Variants in CASK observed in about 807,000 individuals in gnomAD.
The protein encoded by CASK is peripheral plasma membrane protein CASK.
Under a neutral mutation model 82.9 loss-of-function variants are expected in CASK, and 4 were observed. That is an observed-to-expected ratio of 0.05 (90% CI 0.02 to 0.11). The LOEUF (loss-of-function observed/expected upper bound fraction) is 0.11. Among genes scored for constraint, CASK ranks in the 10% least tolerant of loss-of-function variants. The pLI is 1.00. For synonymous variants in CASK, 259 were observed against 253.5 expected (o/e 1.02, Z -0.20); for missense variants, 358 against 720.9 (o/e 0.50, Z 5.76).
intron 3 of CASK, among the ~76,000 whole-genome samples, chrX:41,760,089 C>T (rs750409373): frequency 2.4e-4 from 27 of 111,923 alleles, no homozygotes; most frequent in African/African-American, 8.8e-4. Context: ...TTGTTGTTTA[C>T]GTTAACATAC....
intron 22 of CASK, 60 bp downstream of exon 22, chrX:41,542,631 A>G: frequency 1.4e-6 from 1 of 730,627 alleles, no homozygotes. Context: ...AAAATATTAC[A>G]TCTTTTTAGG....
At chrX:41,588,807 A>G (rs1276126046) in intron 13 of CASK, among the ~76,000 whole-genome samples, 3 of 111,485 alleles carry the variant, frequency 2.7e-5, no homozygotes, top group Non-Finnish European at 5.6e-5. Context: ...CTTTAATAAC[A>G]GCAAAGAAAA....
Position 41,751,482 on chromosome X carries a change from A to G in CASK, c.279-5881T>C, listed in dbSNP as rs1337210948. Among the ~76,000 whole-genome samples the G allele has an allele frequency of 2.7e-5, 3 of 110,152 alleles. No individual in the cohort carries two copies. The Admixed American group carries it at 2.9e-4, about 11-fold the overall frequency. ...GAGAACAGAGAAAGGATTACAACTC[A>G]AAGAGGTGAACAAGAGCTGCTTCTG... On this transcript the variant is annotated intron_variant, in intron 3 of 26. Coordinates refer to ENST00000378163, the MANE Select transcript of CASK (RefSeq NM_001367721.1).
At chrX:41,543,607 A>G (rs1368919471) in intron 21 of CASK, among the ~76,000 whole-genome samples, 1 of 112,062 alleles carries the variant, frequency 8.9e-6, no homozygotes, top group Non-Finnish European at 1.9e-5. Flanking sequence ...TGATATTAAA[A>G]AGTTGCTCTT....
At chrX:41,598,830 AT>A (rs1218956074) in intron 12 of CASK, among the ~76,000 whole-genome samples, 1 of 112,073 alleles carries the variant, frequency 8.9e-6, no homozygotes, top group East Asian at 2.8e-4. Context: ...TTGAAATTTT[AT>A]ATTCTACAAA....
intron 3 of CASK, among the ~76,000 whole-genome samples, chrX:41,753,679 A>G (rs907431356): frequency 8.9e-6 from 1 of 112,108 alleles, no homozygotes; most frequent in Non-Finnish European, 1.9e-5. Context: ...TGAGGCCAGG[A>G]GTTCGATATC....
At chrX:41,717,995 T>C (rs1467445333) in intron 5 of CASK, among the ~76,000 whole-genome samples, 1 of 112,109 alleles carries the variant, frequency 8.9e-6, no homozygotes, top group Non-Finnish European at 1.9e-5. Flanking sequence ...CAAGGCAGGA[T>C]GACAAGGTTG....
intron 24 of CASK, among the ~76,000 whole-genome samples, chrX:41,534,392 AACACACACACACACACACACACAC>A (rs56349527): frequency 1.1e-5 from 1 of 91,221 alleles, no homozygotes; most frequent in Non-Finnish European, 2.2e-5. Context: ...TTTTATTTAA[AACACACACACACACACACACACAC>A]ACACACACAC....
rs146148806 is a variant in CASK at position 41,534,602 on chromosome X, C to G, written c.2317+104G>C. On this transcript the variant is annotated intron_variant, in intron 24 of 26. Coordinates refer to ENST00000378163, the MANE Select transcript of CASK (RefSeq NM_001367721.1). The stretch of plus-strand genomic sequence containing the variant: ...TTTTTTTGATTTTACAAATTTCCTA[C>G]AATGAACAGTTATACCTTATGTAAT... The G allele has an allele frequency of 3.0e-3, 1,866 of 631,933 alleles. 44 individuals are homozygous for G. In the East Asian group the frequency reaches 0.062, roughly 21 times the overall value. 52.1% of individuals were successfully genotyped at this position (631,933 alleles called of 1,213,427 possible). A position where few individuals can be genotyped will look rare whatever the true frequency, so the allele number is the denominator to read the frequency against.
intron 2 of CASK, among the ~76,000 whole-genome samples, chrX:41,807,673 G>A (rs2070151342): frequency 9.0e-6 from 1 of 110,697 alleles, no homozygotes; most frequent in Non-Finnish European, 1.9e-5. Context: ...ATGAGCATCT[G>A]GTAAGGTTCG....
intron 2 of CASK, among the ~76,000 whole-genome samples, chrX:41,832,513 A>G (rs752421902): frequency 1.3e-4 from 15 of 112,770 alleles, no homozygotes; most frequent in Non-Finnish European, 2.6e-4. Flanking sequence ...ATTCCTGGGT[A>G]TACACCCAAG....
rs1286764778 is a variant in CASK at position 41,692,727 on chromosome X, T to C, written c.430-21197A>G. The stretch of plus-strand genomic sequence containing the variant: ...AAGTGTGCTGCTGTGGATCAAACAC[T>C]GCATTCCAGGTGAGACCCTACCAGC... On this transcript the variant is annotated intron_variant, in intron 5 of 26. Coordinates refer to ENST00000378163, the MANE Select transcript of CASK (RefSeq NM_001367721.1). Among the ~76,000 whole-genome samples, 20 of 112,211 alleles carry C rather than the reference T, an allele frequency of 1.8e-4. No individual in the cohort carries two copies. The Admixed American group carries it at 1.9e-3, about 11-fold the overall frequency.
At chrX:41,859,329 T>A (rs1035889237) in intron 1 of CASK, among the ~76,000 whole-genome samples, 5 of 112,078 alleles carry the variant, frequency 4.5e-5, no homozygotes, top group Admixed American at 3.8e-4. Flanking sequence ...TGATCCTCAT[T>A]ACATTGCAGA....
chrX:41,574,436 T>G (rs1428766558), intron 15 of CASK, among the ~76,000 whole-genome samples: 2 of 111,727 alleles, frequency 1.8e-5, no homozygotes, highest in East Asian at 5.6e-4. Context: ...ATATGTTGGG[T>G]TGTTTCAAAT....
chrX:41,780,884 A>G (rs1195499487), intron 3 of CASK, among the ~76,000 whole-genome samples: 1 of 110,743 alleles, frequency 9.0e-6, no homozygotes, highest in Non-Finnish European at 1.9e-5. Context: ...CCTGACCTCA[A>G]GTGATCCACC....
intron 17 of CASK, among the ~76,000 whole-genome samples, chrX:41,560,410 C>T (rs1043831767): frequency 6.5e-5 from 7 of 107,092 alleles, no homozygotes; most frequent in African/African-American, 1.7e-4. Flanking sequence ...ATTATAGGCA[C>T]GCGCCACCAT....
intron 3 of CASK, among the ~76,000 whole-genome samples, chrX:41,752,050 C>T (rs1342320894): frequency 2.1e-5 from 2 of 97,561 alleles, no homozygotes; most frequent in Non-Finnish European, 4.1e-5. Flanking sequence ...CATCCCCACC[C>T]ACCAAAAAAA....
At chrX:41,785,407 G>A (rs898270126) in intron 3 of CASK, among the ~76,000 whole-genome samples, 4 of 112,191 alleles carry the variant, frequency 3.6e-5, no homozygotes, top group Non-Finnish European at 5.6e-5. Flanking sequence ...CTATTCTGCA[G>A]ACATTCCAGT....
chrX:41,802,951 C>T (rs768646947), intron 2 of CASK, among the ~76,000 whole-genome samples: 1 of 111,258 alleles, frequency 9.0e-6, no homozygotes, highest in African/African-American at 3.3e-5. Context: ...AAGACATTTT[C>T]AGGTATCTCA....
Sources: gnomAD v4.1 joint callset for allele counts (sites outside exome capture counted in the v4.1 genomes callset) on GRCh38, gnomAD v4.1.1 for gene constraint, MANE v1.5 for transcripts, NCBI Gene and HGNC (gene_info 2026-07-23, HGNC 2026-07-21) for gene names.